RASGEF1A: variants seen among roughly 807,000 people sequenced by gnomAD.
RASGEF1A encodes the protein ras-GEF domain-containing family member 1A.
Under a neutral mutation model 56.4 loss-of-function variants are expected in RASGEF1A, and 18 were observed. The observed-to-expected ratio is 0.32, with a 90% CI of 0.22 to 0.47. RASGEF1A has a LOEUF of 0.47. Among genes scored for constraint, RASGEF1A ranks in the 20% least tolerant of loss-of-function variants. The probability of loss-of-function intolerance (pLI) is 1.00; values close to 1 mark genes in which losing one functional copy is unlikely to be tolerated. For missense variants in RASGEF1A, 422 were observed against 627.1 expected, an observed-to-expected ratio of 0.67 and a Z score of 3.49; for synonymous variants, 245 against 242.6, an observed-to-expected ratio of 1.01 and a Z score of -0.09.
chr10:43,258,246 G>T (rs1045040539), intron 1 of RASGEF1A, among the ~76,000 whole-genome samples: 5 of 152,238 alleles, frequency 3.3e-5, no homozygotes, highest in African/African-American at 1.2e-4. Context: ...CATCATCTGA[G>T]TGGGTGGGTA....
At chr10:43,243,820 C>A (rs1264900906) in intron 1 of RASGEF1A, among the ~76,000 whole-genome samples, 1 of 151,904 alleles carries the variant, frequency 6.6e-6, no homozygotes, top group African/African-American at 2.4e-5. Context: ...CCCGGCCACC[C>A]AGCCTGGGAA....
At chr10:43,244,835 A>G (rs941289943) in intron 1 of RASGEF1A, among the ~76,000 whole-genome samples, 19 of 152,284 alleles carry the variant, frequency 1.2e-4, no homozygotes, top group Admixed American at 4.6e-4. Context: ...AAATATATAT[A>G]TAAAACTATA....
At chr10:43,212,576 A>C (rs775177401) in intron 1 of RASGEF1A, among the ~76,000 whole-genome samples, 11 of 152,218 alleles carry the variant, frequency 7.2e-5, no homozygotes, top group Non-Finnish European at 1.6e-4. Flanking sequence ...CCTGAACCTC[A>C]TGGTGGCTGT....
chr10:43,235,140 C>G (rs1677509764), intron 1 of RASGEF1A, among the ~76,000 whole-genome samples: 1 of 152,242 alleles, frequency 6.6e-6, no homozygotes, highest in South Asian at 2.1e-4. Flanking sequence ...ATTCCATGCA[C>G]TGAATCACTC....
chr10:43,207,556 A>G, intron 1 of RASGEF1A: 3 of 985,508 alleles, frequency 3.0e-6, no homozygotes, highest in Non-Finnish European at 3.6e-6. Context: ...GTCTTTGGCA[A>G]GGAGAGCAAG....
At chr10:43,202,826 C>T in intron 3 of RASGEF1A, 1 of 422,818 alleles carries the variant, frequency 2.4e-6, no homozygotes, top group South Asian at 1.7e-5. Flanking sequence ...CCTGGTGTGG[C>T]GTCACGCCCC....
chr10:43,204,019 T>C (rs1839956578), intron 2 of RASGEF1A, among the ~76,000 whole-genome samples: 1 of 152,108 alleles, frequency 6.6e-6, no homozygotes, highest in Non-Finnish European at 1.5e-5. Flanking sequence ...GCCTAGACCC[T>C]GACTGCCAGA....
At chr10:43,201,544 G>A (rs1254962) in intron 4 of RASGEF1A, among the ~76,000 whole-genome samples, 24,437 of 152,254 alleles carry the variant, frequency 0.16, 2,618 homozygotes, top group East Asian at 0.5. Context: ...CAAGGGCCAG[G>A]AGAGGGTTGA....
intron 1 of RASGEF1A, among the ~76,000 whole-genome samples, chr10:43,222,094 A>C (rs1392444296): frequency 6.6e-6 from 1 of 151,874 alleles, no homozygotes; most frequent in African/African-American, 2.4e-5. Context: ...GGTACAGCCT[A>C]TTGCTCCCGG....
At chr10:43,239,998 T>C (rs533763469) in intron 1 of RASGEF1A, among the ~76,000 whole-genome samples, 1 of 152,308 alleles carries the variant, frequency 6.6e-6, no homozygotes, top group East Asian at 1.9e-4. Flanking sequence ...ATCTAGAAGG[T>C]CAAGTGCATG....
At chr10:43,227,367 C>T (rs1201753859) in intron 1 of RASGEF1A, among the ~76,000 whole-genome samples, 4 of 150,648 alleles carry the variant, frequency 2.7e-5, no homozygotes, top group African/African-American at 9.7e-5. Flanking sequence ...GTCCCCAGTG[C>T]CCCCTGCATC....
chr10:43,253,688 G>C (rs1429830956), intron 1 of RASGEF1A, among the ~76,000 whole-genome samples: 1 of 152,170 alleles, frequency 6.6e-6, no homozygotes, highest in Non-Finnish European at 1.5e-5. Context: ...AGGGGACGGG[G>C]ACCTCAAGGA....
chr10:43,245,272 A>C (rs1840556003), intron 1 of RASGEF1A, among the ~76,000 whole-genome samples: 1 of 152,196 alleles, frequency 6.6e-6, no homozygotes, highest in Non-Finnish European at 1.5e-5. Context: ...CTATAACAAG[A>C]TATTGAATTA....
chr10:43,242,513 CCTCT>C lies in RASGEF1A; in HGVS notation c.-7+24328_-7+24331del, dbSNP rs1042773506. 2.0e-5 allele frequency among the ~76,000 whole-genome samples: 3 copies of C among 150,164 alleles called. 1 individual carries two copies. The highest frequency in any genetic ancestry group is 4.3e-4 in the South Asian group (2 of 4,668). ...ATCGCTCCCTCTCCCTCTCCCTCTCCCTCTCTCTCCCTCTCGCTCTCGCTCTCCG... is the reference window on the plus strand; with the variant it reads ...ATCGCTCCCTCTCCCTCTCCCTCTCCCTCTCCCTCTCGCTCTCGCTCTCCG... On this transcript the variant is annotated intron_variant, in intron 1 of 12. Transcript: ENST00000395810.
At chr10:43,207,811 AG>A (rs1342669625) in intron 1 of RASGEF1A, 3 of 645,504 alleles carry the variant, frequency 4.6e-6, no homozygotes, top group African/African-American at 2.0e-5. Context: ...ACTCCAGCCC[AG>A]GAACCACTGA....
intron 3 of RASGEF1A, among the ~76,000 whole-genome samples, chr10:43,203,074 C>T (rs1202541887): frequency 2.7e-5 from 4 of 149,256 alleles, no homozygotes; most frequent in African/African-American, 9.9e-5. Flanking sequence ...GCCTTGACCC[C>T]GACCCTGCCC....
chr10:43,220,263 G>A (rs1195884051), intron 1 of RASGEF1A, among the ~76,000 whole-genome samples: 1 of 152,218 alleles, frequency 6.6e-6, no homozygotes, highest in African/African-American at 2.4e-5. Flanking sequence ...ACTTTAGGAA[G>A]CCGAGGTGGA....
intron 1 of RASGEF1A, among the ~76,000 whole-genome samples, chr10:43,241,168 A>G (rs889931155): frequency 1.3e-5 from 2 of 152,238 alleles, no homozygotes; most frequent in Non-Finnish European, 2.9e-5. Context: ...TACTGGTTTT[A>G]TATTTATTGC....
chr10:43,205,841 GC>G (rs1201238535), intron 2 of RASGEF1A, 77 bp downstream of exon 2: 1 of 1,215,110 alleles, frequency 8.2e-7, no homozygotes, highest in African/African-American at 1.5e-5. Flanking sequence ...CTCTGTGGGG[GC>G]CTCCCTCCCA....
Sources: allele counts gnomAD v4.1 joint callset (sites outside exome capture counted in the v4.1 genomes callset), GRCh38; gene constraint gnomAD v4.1.1; transcripts MANE v1.5; gene names NCBI Gene and HGNC (gene_info 2026-07-23, HGNC 2026-07-21).